The following PLEKHM1 variants were observed in gnomAD, a reference collection of about 807,000 sequenced individuals.
PLEKHM1 encodes the protein pleckstrin homology domain-containing family M member 1.
A neutral mutation model predicts 94.3 loss-of-function variants in PLEKHM1; 28 were observed. The ratio of observed to expected loss-of-function variants is 0.30; its 90% CI spans 0.22 to 0.41. The LOEUF is 0.41. Among genes scored for constraint, PLEKHM1 ranks in the 10% least tolerant of loss-of-function variants. PLEKHM1 has a pLI of 1.00. For missense variants in PLEKHM1, 907 were observed against 1,358.6 expected, an observed-to-expected ratio of 0.67 and a Z score of 5.22; for synonymous variants, 424 against 581.2, an observed-to-expected ratio of 0.73 and a Z score of 3.89.
chr17:45,440,047 C>T (rs1321901438), intron 10 of PLEKHM1, 116 bp downstream of exon 10: 3 of 1,003,080 alleles, frequency 3.0e-6, no homozygotes, highest in Admixed American at 1.9e-5. Flanking sequence ...AGAAAAGCTA[C>T]AGACTGCTGT....
chr17:45,473,171 G>A (rs949170916), intron 4 of PLEKHM1, among the ~76,000 whole-genome samples: 2 of 151,968 alleles, frequency 1.3e-5, no homozygotes, highest in African/African-American at 4.8e-5. Context: ...AGATAGCTAC[G>A]CAGAACTAAA....
intron 1 of PLEKHM1, among the ~76,000 whole-genome samples, chr17:45,483,223 T>G (rs1000422232): frequency 6.6e-6 from 1 of 151,990 alleles, no homozygotes; most frequent in African/African-American, 2.4e-5. Flanking sequence ...AGATGGAGAA[T>G]GTGTAAAATG....
At chr17:45,461,238 C>T (rs2051143502) in intron 5 of PLEKHM1, among the ~76,000 whole-genome samples, 1 of 152,106 alleles carries the variant, frequency 6.6e-6, no homozygotes, top group African/African-American at 2.4e-5. Context: ...TATGGTGGCC[C>T]TAGGGACTAA....
chr17:45,438,370 A>T (rs1286597128), intron 11 of PLEKHM1, among the ~76,000 whole-genome samples: 1 of 151,916 alleles, frequency 6.6e-6, no homozygotes, highest in East Asian at 2.0e-4. Context: ...TGTCTCTACT[A>T]AAAATACAAA....
chr17:45,471,573 T>A (rs1294159991), intron 4 of PLEKHM1, among the ~76,000 whole-genome samples: 1 of 151,360 alleles, frequency 6.6e-6, no homozygotes, highest in Non-Finnish European at 1.5e-5. Flanking sequence ...CTGGCCAACA[T>A]AGTGAAACCC....
chr17:45,477,994 G>T lies in PLEKHM1; in HGVS notation c.202C>A (p.Arg68=), dbSNP rs1446733276. ...FIHGLHAKHI[R]AEAGGKRKKS... ...TTCCTTTTTCCTCCGGCCTCAGCTC[G>T]GATGTGCTTGGCGTGCAGGCCATGG... The change falls in exon 3 of 12, where the codon CGA becomes AGA. Residue 68 remains arginine, a synonymous_variant. Transcript: ENST00000430334. 1 of 1,613,968 alleles carries T rather than the reference G, an allele frequency of 6.2e-7. No individual in the cohort carries two copies. The highest frequency in any genetic ancestry group is 1.3e-5 in the African/African-American group (1 of 74,926).
intron 5 of PLEKHM1, among the ~76,000 whole-genome samples, chr17:45,462,371 G>A (rs1409846505): frequency 6.6e-6 from 1 of 151,766 alleles, no homozygotes; most frequent in East Asian, 1.9e-4. Flanking sequence ...TGAGGAAAAT[G>A]GGTGGGAGAA....
intron 4 of PLEKHM1, among the ~76,000 whole-genome samples, chr17:45,470,360 A>G (rs1220321925): frequency 1.3e-5 from 2 of 152,260 alleles, no homozygotes; most frequent in Non-Finnish European, 2.9e-5. Context: ...AGAAAGCAAT[A>G]AAAAATAAAT....
intron 5 of PLEKHM1, among the ~76,000 whole-genome samples, chr17:45,461,858 G>A (rs1328944447): frequency 6.6e-6 from 1 of 152,100 alleles, no homozygotes; most frequent in Non-Finnish European, 1.5e-5. Flanking sequence ...TTGTGGGAGT[G>A]GATTCTGGTT....
chr17:45,438,260 G>A (rs563052861), intron 11 of PLEKHM1, among the ~76,000 whole-genome samples: 23 of 152,286 alleles, frequency 1.5e-4, no homozygotes, highest in African/African-American at 5.3e-4. Flanking sequence ...ACGGCCAGGC[G>A]CAGTGGCTCA....
intron 3 of PLEKHM1, among the ~76,000 whole-genome samples, chr17:45,476,295 G>A (rs1389848235): frequency 6.6e-6 from 1 of 151,320 alleles, no homozygotes; most frequent in Non-Finnish European, 1.5e-5. Context: ...GCTCATCTAA[G>A]GCATGCTGTC....
intron 1 of PLEKHM1, among the ~76,000 whole-genome samples, chr17:45,489,966 A>C (rs556838910): frequency 7.9e-5 from 12 of 152,156 alleles, no homozygotes; most frequent in African/African-American, 2.6e-4. Flanking sequence ...AGACTTAGGG[A>C]TGGGCTGTCC....
rs954861950 is a variant in PLEKHM1 at position 45,458,532 on chromosome 17, G to A, written c.1309-93C>T. The A allele has an allele frequency of 1.9e-5, 24 of 1,277,550 alleles. 1 individual carries two copies. In the South Asian group the frequency reaches 2.3e-4, roughly 12 times the overall value. The allele number at this position is 1,277,550 out of a possible 1,614,324, so 79.1% of individuals were successfully genotyped here. On this transcript the variant is annotated intron_variant, in intron 5 of 11. Transcript: ENST00000430334. ...GTTGCCCAGGCTGGAGTGCAATCGCGCAACCTCGGCTCACTGCAACCTCTG... is the reference window on the plus strand; with the variant it reads ...GTTGCCCAGGCTGGAGTGCAATCGCACAACCTCGGCTCACTGCAACCTCTG...
intron 4 of PLEKHM1, among the ~76,000 whole-genome samples, chr17:45,470,838 T>G (rs1476756670): frequency 6.8e-6 from 1 of 146,120 alleles, no homozygotes; most frequent in African/African-American, 2.5e-5. Context: ...TTTTGTATTG[T>G]TTTTTTTTTA....
chr17:45,439,521 C>T lies in PLEKHM1; in HGVS notation c.3015G>A (p.Gln1005=), dbSNP rs769684839. The T allele has an allele frequency of 9.3e-6, 15 of 1,614,122 alleles. 1 individual carries two copies. In the Admixed American group the frequency reaches 1.7e-4, roughly 18 times the overall value. The change falls in exon 11 of 12, where the codon CAG becomes CAA. Residue 1005 remains glutamine, a synonymous_variant. Coordinates refer to ENST00000430334, the MANE Select transcript of PLEKHM1 (RefSeq NM_014798.3). ...TQRGFICQIC[Q]HHDIIFPFEF... ...CAAAGGGGAAGATGATGTCGTGGTG[C>T]TGGCAGATCTGGCAGATGAAGCCGC...
intron 5 of PLEKHM1, among the ~76,000 whole-genome samples, chr17:45,458,777 T>A (rs927282937): frequency 4.1e-5 from 6 of 147,912 alleles, no homozygotes; most frequent in Non-Finnish European, 8.9e-5. Flanking sequence ...AGCCTGAAGT[T>A]TTTTTTTTTT....
chr17:45,457,172 G>GAAAAAA (rs980455854), intron 6 of PLEKHM1, among the ~76,000 whole-genome samples: 1 of 56,314 alleles, frequency 1.8e-5, no homozygotes, highest in Non-Finnish European at 3.3e-5. Context: ...CTCTGCCTCA[G>GAAAAAA]AAAAAAAAAA....
intron 1 of PLEKHM1, among the ~76,000 whole-genome samples, chr17:45,486,555 C>T (rs1404255934): frequency 6.6e-6 from 1 of 151,450 alleles, no homozygotes; most frequent in Admixed American, 6.6e-5. Context: ...GCTTGGGCAA[C>T]AGAGCGAGAC....
chr17:45,485,406 GC>G (rs2145361018), intron 1 of PLEKHM1, among the ~76,000 whole-genome samples: 1 of 152,196 alleles, frequency 6.6e-6, no homozygotes, highest in South Asian at 2.1e-4. Context: ...AGAGCCCGAA[GC>G]CCCAAAGTTG....
Sources: gnomAD v4.1 joint callset for allele counts (sites outside exome capture counted in the v4.1 genomes callset) on GRCh38, gnomAD v4.1.1 for gene constraint, MANE v1.5 for transcripts, NCBI Gene and HGNC (gene_info 2026-07-23, HGNC 2026-07-21) for gene names.